Variants in TTLL6 observed in about 807,000 individuals in gnomAD.
TTLL6 encodes tubulin polyglutamylase TTLL6.
Under a neutral mutation model 96.4 loss-of-function variants are expected in TTLL6, and 75 were observed. The observed-to-expected ratio is 0.78, with a 90% confidence interval of 0.65 to 0.94. The LOEUF (loss-of-function observed/expected upper bound fraction) is 0.94. Ranked by LOEUF, TTLL6 falls within the 40% of genes least tolerant of loss-of-function variation. The pLI, the probability that TTLL6 is intolerant of heterozygous loss-of-function variation, is 0.00. For synonymous variants in TTLL6, 411 were observed against 419.4 expected (o/e 0.98, Z 0.24); for missense variants, 1,030 against 1,093.0 (o/e 0.94, Z 0.81).
intron 13 of TTLL6, among the ~76,000 whole-genome samples, chr17:48,776,990 T>C (rs1320643531): frequency 1.4e-5 from 2 of 147,578 alleles, no homozygotes; most frequent in Non-Finnish European, 3.0e-5. Flanking sequence ...ATCAAGACAA[T>C]GTGGTATTGG....
intron 8 of TTLL6, among the ~76,000 whole-genome samples, chr17:48,794,051 G>A (rs1192148926): frequency 6.6e-6 from 1 of 152,180 alleles, no homozygotes; most frequent in Non-Finnish European, 1.5e-5. Context: ...GACAGGCTGA[G>A]CCCAGCAAGG....
chr17:48,810,795 TAC>T lies in TTLL6; in HGVS notation c.104-5806_104-5805del, dbSNP rs1265397775. ...ATAGTATGTGTGTATATATATATAGTACATATATACACATATATAGTATGTGT... is the reference window on the plus strand; with the variant it reads ...ATAGTATGTGTGTATATATATATAGTATATATACACATATATAGTATGTGT... On this transcript the variant is annotated intron_variant, in intron 1 of 15. Transcript: ENST00000393382. Among the ~76,000 whole-genome samples the T allele has an allele frequency of 8.3e-3, 484 of 58,572 alleles. 14 individuals carry two copies. Among genetic ancestry groups the T allele is most frequent in the African/African-American group, 0.013 (189 of 14,152 alleles). The allele number at this position is 58,572 out of a possible 152,430, so 38.4% of individuals were successfully genotyped here. A position where few individuals can be genotyped will look rare whatever the true frequency, so the allele number is the denominator to read the frequency against.
At chr17:48,796,024 G>T in intron 8 of TTLL6, 37 bp downstream of exon 8, 2 of 1,508,118 alleles carry the variant, frequency 1.3e-6, no homozygotes, top group Non-Finnish European at 1.8e-6. Flanking sequence ...TCTGAGGTTG[G>T]TAGGGAAAGG....
rs753820953 is a variant in TTLL6, at chr17:48,762,987, AT to A, written c.*1-15del. The A allele has an allele frequency of 4.2e-4, 176 of 414,910 alleles. No homozygotes were observed. Among genetic ancestry groups the A allele is most frequent in the South Asian group, 8.1e-4 (46 of 56,730 alleles). The allele number at this position is 414,910 out of a possible 1,614,324, so 25.7% of individuals were successfully genotyped here. ...TCCAGTCTGATTCTGGAAAAAAAAA[AT>A]TTTTTTTTTAGATTTTCCTTTAAAA... On this transcript the variant is annotated splice_polypyrimidine_tract_variant and intron_variant, in intron 15 of 15. Coordinates refer to ENST00000393382, the MANE Select transcript of TTLL6 (RefSeq NM_001130918.3).
intron 3 of TTLL6, among the ~76,000 whole-genome samples, chr17:48,803,488 A>AC (rs1567734457): frequency 2.3e-4 from 35 of 151,628 alleles, no homozygotes; most frequent in African/African-American, 8.0e-4. Context: ...CGTGTCAAAA[A>AC]AAAAAACAAA....
chr17:48,804,455 T>C (rs1282099822), intron 2 of TTLL6: 2 of 524,846 alleles, frequency 3.8e-6, no homozygotes, highest in Admixed American at 2.2e-5. Context: ...GCGTACTAAA[T>C]TTCCAGGACA....
chr17:48,809,557 T>C (rs765794505), intron 1 of TTLL6, among the ~76,000 whole-genome samples: 5 of 152,152 alleles, frequency 3.3e-5, no homozygotes, highest in Non-Finnish European at 7.4e-5. Context: ...GCTCCTTCTA[T>C]GTGTCTGCCT....
At chr17:48,788,068 A>G in intron 10 of TTLL6, 69 bp from the exon 11 acceptor site, 1 of 1,495,230 alleles carries the variant, frequency 6.7e-7, no homozygotes, top group Non-Finnish European at 9.1e-7. Context: ...GGATATGTCC[A>G]AGCTGGAGGT....
At chr17:48,809,650 G>A (rs1421343441) in intron 1 of TTLL6, among the ~76,000 whole-genome samples, 1 of 151,910 alleles carries the variant, frequency 6.6e-6, no homozygotes, top group Non-Finnish European at 1.5e-5. Flanking sequence ...CTTGAGCCCA[G>A]GAGTTCAAAA....
intron 1 of TTLL6, among the ~76,000 whole-genome samples, chr17:48,808,855 G>A (rs913538992): frequency 1.3e-5 from 2 of 152,224 alleles, no homozygotes; most frequent in Non-Finnish European, 2.9e-5. Flanking sequence ...ACAGGCGTAA[G>A]CCACCACGCC....
At chr17:48,784,889 A>G in intron 13 of TTLL6, 34 bp downstream of exon 13, 1 of 1,584,330 alleles carries the variant, frequency 6.3e-7, no homozygotes, top group Non-Finnish European at 8.6e-7. Context: ...CAAGACTCCC[A>G]CCACTCCCTC....
Position 48,785,144 on chromosome 17 carries a change from C to T in TTLL6, c.1819G>A (p.Gly607Ser). Residue 607 changes from glycine (G) to serine (S), a missense_variant, in exon 13 of 16, where the codon GGT (glycine) becomes AGT (serine). Physicochemically the swap from Gly to Ser is moderately conservative, Grantham distance 56. Coordinates refer to ENST00000393382, the MANE Select transcript of TTLL6 (RefSeq NM_001130918.3). ...YTPDLLLSVR[G>S]ERKNETDSSL... ...CTGTCTGTTTCATTTTTCCTTTCAC[C>T]TCTGACACTCAAGAGCAAGTCAGGT... 6.2e-7 allele frequency: 1 copy of T among 1,614,166 alleles called. No individual in the cohort carries two copies. The highest frequency in any genetic ancestry group is 2.2e-5 in the East Asian group (1 of 44,884).
chr17:48,787,757 T>C (rs1161818905), intron 11 of TTLL6, 54 bp downstream of exon 11: 32 of 1,541,414 alleles, frequency 2.1e-5, no homozygotes, highest in Non-Finnish European at 2.7e-5. Flanking sequence ...AGCCAATAGA[T>C]CACACACAAT....
intron 15 of TTLL6, chr17:48,765,450 T>A (rs570934918): frequency 6.6e-6 from 1 of 152,274 alleles, no homozygotes; most frequent in African/African-American, 2.4e-5. Flanking sequence ...TGATTGAAAT[T>A]CAATTAGATA....
chr17:48,776,177 T>A (rs1458408603), intron 13 of TTLL6, among the ~76,000 whole-genome samples: 1 of 152,122 alleles, frequency 6.6e-6, no homozygotes, highest in African/African-American at 2.4e-5. Flanking sequence ...ATAAGAAATT[T>A]AAGTCTAGGC....
At chr17:48,794,824 C>G (rs2039289306) in intron 8 of TTLL6, among the ~76,000 whole-genome samples, 1 of 152,156 alleles carries the variant, frequency 6.6e-6, no homozygotes, top group South Asian at 2.1e-4. Flanking sequence ...TCCTTTGAAG[C>G]CTGGTGCAGC....
At chr17:48,815,970 G>A (rs568999670) in intron 1 of TTLL6, 7 of 152,290 alleles carry the variant, frequency 4.6e-5, no homozygotes, top group African/African-American at 1.7e-4. Flanking sequence ...AGCTCTACTA[G>A]TTTCTAGAAT....
chr17:48,779,400 G>A (rs1271885227), intron 13 of TTLL6, among the ~76,000 whole-genome samples: 2 of 144,940 alleles, frequency 1.4e-5, no homozygotes, highest in African/African-American at 2.5e-5. Context: ...CCAAAACGTT[G>A]ACAAAGATAT....
rs746261714 is a variant in TTLL6, at chr17:48,787,914, T to G, written c.1486A>C (p.Ile496Leu). The G allele has an allele frequency of 3.6e-5, 58 of 1,614,038 alleles. No individual in the cohort carries two copies. The highest frequency in any genetic ancestry group is 4.8e-5 in the Non-Finnish European group (57 of 1,180,010). The change falls in exon 11 of 16, where the codon ATT (isoleucine) becomes CTT (leucine). Residue 496 changes from isoleucine (I) to leucine (L), a missense_variant. Coordinates refer to ENST00000393382, the MANE Select transcript of TTLL6 (RefSeq NM_001130918.3). Reference protein sequence around the residue: ...EKENCGGFRLIYPSLNSEKYE... With the variant: ...EKENCGGFRLLYPSLNSEKYE... ...TTCTCCGAATTCAGACTGGGATAAATCAGTCGGAACCCTCCACAGTTTTCC... is the reference window on the plus strand; with the variant it reads ...TTCTCCGAATTCAGACTGGGATAAAGCAGTCGGAACCCTCCACAGTTTTCC...
Sources: gnomAD v4.1 joint callset for allele counts (sites outside exome capture counted in the v4.1 genomes callset) on GRCh38, gnomAD v4.1.1 for gene constraint, MANE v1.5 for transcripts, NCBI Gene and HGNC (gene_info 2026-07-23, HGNC 2026-07-21) for gene names.